Variants in PRELID2 observed in about 807,000 individuals in gnomAD.
PRELID2 encodes PRELI domain-containing protein 2.
A neutral mutation model predicts 28.4 loss-of-function variants in PRELID2; 25 were observed. The observed-to-expected ratio is 0.88, with a 90% CI of 0.64 to 1.23. The LOEUF is 1.23. Among genes scored for constraint, PRELID2 ranks in the 50% most tolerant of loss-of-function variants. The pLI, the probability that PRELID2 is intolerant of heterozygous loss-of-function variation, is 0.00. For missense variants in PRELID2, 201 were observed against 214.4 expected (o/e 0.94, Z 0.39); for synonymous variants, 76 against 71.6 (o/e 1.06, Z -0.31).
chr5:145,638,952 G>A (rs1289322431), intron 1 of PRELID2, among the ~76,000 whole-genome samples: 1 of 152,128 alleles, frequency 6.6e-6, no homozygotes, highest in Non-Finnish European at 1.5e-5. Flanking sequence ...TGATTTTGTG[G>A]GCCAGCTAGA....
intron 1 of PRELID2, among the ~76,000 whole-genome samples, chr5:145,558,314 G>C (rs530754602): frequency 6.6e-6 from 1 of 152,210 alleles, no homozygotes; most frequent in Non-Finnish European, 1.5e-5. Context: ...TTGTTGAAGG[G>C]GGAATATGAA....
chr5:145,806,460 G>C (rs1350148482), intron 4 of PRELID2, among the ~76,000 whole-genome samples: 1 of 152,160 alleles, frequency 6.6e-6, no homozygotes, highest in African/African-American at 2.4e-5. Flanking sequence ...ACATGAAGCT[G>C]CCATCTCCTA....
the PRELID2 span, among the ~76,000 whole-genome samples, chr5:145,423,393 C>A: frequency 6.6e-6 from 1 of 152,212 alleles, no homozygotes. Flanking sequence ...TAGATTTGGT[C>A]TTTTCACATA....
the PRELID2 span, among the ~76,000 whole-genome samples, chr5:145,256,102 GGT>G: frequency 6.6e-6 from 1 of 151,710 alleles, no homozygotes; most frequent in Non-Finnish European, 1.5e-5. Context: ...CTAAAATCAA[GGT>G]GTCACCAAGA....
chr5:145,675,385 A>T (rs1241261721), intron 1 of PRELID2, among the ~76,000 whole-genome samples: 1 of 152,014 alleles, frequency 6.6e-6, no homozygotes, highest in Non-Finnish European at 1.5e-5. Context: ...TCAATAATCC[A>T]CTCTTTTGGC....
At chr5:145,268,190 A>G in the PRELID2 span, among the ~76,000 whole-genome samples, 1 of 152,068 alleles carries the variant, frequency 6.6e-6, no homozygotes, top group Non-Finnish European at 1.5e-5. Context: ...GTACTTGTAG[A>G]GTATTACTCA....
the PRELID2 span, among the ~76,000 whole-genome samples, chr5:145,419,236 T>C: frequency 6.1e-5 from 9 of 146,928 alleles, no homozygotes; most frequent in Admixed American, 1.4e-4. Context: ...GTCCTTTGGG[T>C]ATATACCCAG....
downstream of PRELID2, among the ~76,000 whole-genome samples, chr5:145,468,702 T>C (rs1381889341): frequency 6.6e-6 from 1 of 152,214 alleles, no homozygotes; most frequent in Non-Finnish European, 1.5e-5. Flanking sequence ...GTCTGTTGGC[T>C]GCATAAATAT....
chr5:145,764,801 T>C, intron 6 of PRELID2, 130 bp downstream of exon 6: 6 of 663,104 alleles, frequency 9.0e-6, no homozygotes, highest in Non-Finnish European at 1.6e-5. Context: ...ACCTGTGAAA[T>C]AGTATTCTGT....
intron 1 of PRELID2, among the ~76,000 whole-genome samples, chr5:145,744,261 T>G (rs894821448): frequency 6.6e-6 from 1 of 152,246 alleles, no homozygotes; most frequent in East Asian, 1.9e-4. Flanking sequence ...ACCAGCAGAC[T>G]TAGTCTTTCC....
At chr5:145,653,077 C>CA (rs1273839171) in intron 1 of PRELID2, among the ~76,000 whole-genome samples, 9 of 150,778 alleles carry the variant, frequency 6.0e-5, no homozygotes, top group African/African-American at 4.8e-5. Flanking sequence ...AAATGGAAAA[C>CA]AAAAAAAGGC....
intron 1 of PRELID2, among the ~76,000 whole-genome samples, chr5:145,824,423 G>GGCGT (rs1755032548): frequency 3.6e-5 from 2 of 55,200 alleles, no homozygotes; most frequent in South Asian, 1.4e-3. Flanking sequence ...ACCCACAGCA[G>GGCGT]GCGTGTGTGT....
At chr5:145,664,173 C>A (rs1754545087) in intron 1 of PRELID2, among the ~76,000 whole-genome samples, 1 of 152,084 alleles carries the variant, frequency 6.6e-6, no homozygotes, top group Non-Finnish European at 1.5e-5. Context: ...CATGGTAATT[C>A]TTTTTATATA....
intron 1 of PRELID2, among the ~76,000 whole-genome samples, chr5:145,569,629 A>G (rs1753000047): frequency 6.6e-6 from 1 of 152,222 alleles, no homozygotes; most frequent in African/African-American, 2.4e-5. Context: ...AAGATCTCAA[A>G]AAACCTATGA....
At position 145,823,100 on chromosome 5, in the gene PRELID2, A is replaced by C; in HGVS notation, c.110T>G (p.Val37Gly). The change falls in exon 2 of 7, where the codon GTA becomes GGA. Residue 37 changes from valine to glycine, a missense_variant. Val to Gly is a moderately radical substitution (Grantham distance 109). Transcript: ENST00000683046. ...PNPMDKNVIS[V>G]KIMEEKRDES... is the part of the protein sequence containing the mutation. ...ACCTCTTTTTTCCTCCATGATTTTT[A>C]CTGAGATGACATTTTTATCCATGGG... The C allele has an allele frequency of 6.5e-7, 1 of 1,535,360 alleles. No individual in the cohort carries two copies. The highest frequency in any genetic ancestry group is 9.0e-7 in the Non-Finnish European group (1 of 1,108,606).
the PRELID2 span, among the ~76,000 whole-genome samples, chr5:145,375,970 G>A: frequency 6.6e-6 from 1 of 152,182 alleles, no homozygotes; most frequent in African/African-American, 2.4e-5. Flanking sequence ...TTCTTTTCTT[G>A]TGCCAGTTTT....
chr5:145,689,725 T>C (rs1250081118), intron 1 of PRELID2, among the ~76,000 whole-genome samples: 2 of 152,080 alleles, frequency 1.3e-5, no homozygotes, highest in East Asian at 3.9e-4. Context: ...ACAGTCAGAA[T>C]AAGAGGGAGG....
At chr5:145,761,720 T>A (rs1307690681) in intron 6 of PRELID2, among the ~76,000 whole-genome samples, 1 of 152,182 alleles carries the variant, frequency 6.6e-6, no homozygotes, top group Non-Finnish European at 1.5e-5. Context: ...TGTGTTCCAA[T>A]AAAACTTTGT....
chr5:145,748,662 G>A (rs1757054761), intron 1 of PRELID2, among the ~76,000 whole-genome samples: 1 of 152,072 alleles, frequency 6.6e-6, no homozygotes, highest in Admixed American at 6.6e-5. Flanking sequence ...ACCCTGTATG[G>A]CCAACACAAT....
Sources: gnomAD v4.1 joint callset for allele counts (sites outside exome capture counted in the v4.1 genomes callset) on GRCh38, gnomAD v4.1.1 for gene constraint, MANE v1.5 for transcripts, NCBI Gene and HGNC (gene_info 2026-07-23, HGNC 2026-07-21) for gene names.